Variants in EPHA3 observed in about 807,000 individuals in gnomAD.
The protein encoded by EPHA3 is EPH receptor A3, also known as ephrin type-A receptor 3.
A neutral mutation model predicts 107.1 loss-of-function variants in EPHA3; 42 were observed. The observed-to-expected ratio is 0.39, with a 90% confidence interval of 0.31 to 0.51. The LOEUF (loss-of-function observed/expected upper bound fraction) is 0.51. Among genes scored for constraint, EPHA3 ranks in the 20% least tolerant of loss-of-function variants. The pLI, the probability that EPHA3 is intolerant of heterozygous loss-of-function variation, is 0.78. For missense variants in EPHA3, 1,183 were observed against 1,211.2 expected, an observed-to-expected ratio of 0.98 and a Z score of 0.35; for synonymous variants, 461 against 424.8, an observed-to-expected ratio of 1.09 and a Z score of -1.05.
chr3:89,158,353 T>C (rs996151265), intron 2 of EPHA3, among the ~76,000 whole-genome samples: 1 of 152,106 alleles, frequency 6.6e-6, no homozygotes, highest in African/African-American at 2.4e-5. Context: ...TGGTTTTTCA[T>C]TAGGTGACAT....
intron 3 of EPHA3, among the ~76,000 whole-genome samples, chr3:89,255,265 C>A (rs1325605739): frequency 6.6e-6 from 1 of 152,112 alleles, no homozygotes; most frequent in African/African-American, 2.4e-5. Flanking sequence ...CAGCAATAGA[C>A]CTTTTTTTAA....
chr3:89,164,207 GAAT>G (rs1175518405), intron 2 of EPHA3, among the ~76,000 whole-genome samples: 1 of 152,168 alleles, frequency 6.6e-6, no homozygotes, highest in Non-Finnish European at 1.5e-5. Context: ...ATTAGAAGAA[GAAT>G]AATTGTCTTT....
intron 15 of EPHA3, among the ~76,000 whole-genome samples, chr3:89,460,344 G>A (rs1222051896): frequency 7.6e-6 from 1 of 131,304 alleles, no homozygotes; most frequent in Admixed American, 8.3e-5. Context: ...TAAATGGAAG[G>A]CAACACAATT....
intron 3 of EPHA3, among the ~76,000 whole-genome samples, chr3:89,309,670 C>G (rs1706718357): frequency 6.6e-6 from 1 of 152,110 alleles, no homozygotes; most frequent in South Asian, 2.1e-4. Flanking sequence ...TATTCTAATT[C>G]ATTTATTTGA....
At chr3:89,301,300 C>T (rs533727760) in intron 3 of EPHA3, among the ~76,000 whole-genome samples, 86 of 151,932 alleles carry the variant, frequency 5.7e-4, no homozygotes, top group Non-Finnish European at 3.8e-4. Flanking sequence ...TTTAAAGCTG[C>T]CACAATAATT....
chr3:89,113,485 CAAAAAAA>C (rs753848304), intron 1 of EPHA3, among the ~76,000 whole-genome samples: 957 of 31,048 alleles, frequency 0.031, 5 homozygotes, highest in African/African-American at 0.089. Context: ...TTCCTTTGTA[CAAAAAAA>C]AAAAAAAAAA....
chr3:89,193,627 G>T (rs947381771), intron 2 of EPHA3, among the ~76,000 whole-genome samples: 1 of 151,798 alleles, frequency 6.6e-6, no homozygotes, highest in Non-Finnish European at 1.5e-5. Flanking sequence ...TGAAATCATA[G>T]ATATACTCAT....
intron 5 of EPHA3, among the ~76,000 whole-genome samples, chr3:89,384,137 A>T (rs1206263298): frequency 1.3e-5 from 2 of 152,018 alleles, no homozygotes; most frequent in East Asian, 3.9e-4. Flanking sequence ...ATACTATCTA[A>T]TTTTTTTCTA....
intron 3 of EPHA3, among the ~76,000 whole-genome samples, chr3:89,242,552 C>T (rs1704926127): frequency 6.6e-6 from 1 of 152,144 alleles, no homozygotes; most frequent in African/African-American, 2.4e-5. Flanking sequence ...ATTCTCCTGC[C>T]TCAGCCTCCC....
At chr3:89,211,850 T>C (rs1386711346) in intron 3 of EPHA3, among the ~76,000 whole-genome samples, 1 of 150,342 alleles carries the variant, frequency 6.7e-6, no homozygotes, top group East Asian at 2.0e-4. Flanking sequence ...TTCTTTTGGC[T>C]AGGTAGGATA....
chr3:89,256,610 A>T (rs1040075128), intron 3 of EPHA3, among the ~76,000 whole-genome samples: 2 of 151,226 alleles, frequency 1.3e-5, no homozygotes, highest in Non-Finnish European at 2.9e-5. Flanking sequence ...TAAATAAATA[A>T]ATAAAATTCT....
chr3:89,297,870 A>G (rs12495537), intron 3 of EPHA3, among the ~76,000 whole-genome samples: 75,366 of 151,820 alleles, frequency 0.5, 19,657 homozygotes, highest in African/African-American at 0.66. Flanking sequence ...CCCCGTCTCT[A>G]CTAAAAATAC....
At chr3:89,389,532 T>G (rs1708684357) in intron 5 of EPHA3, among the ~76,000 whole-genome samples, 1 of 152,150 alleles carries the variant, frequency 6.6e-6, no homozygotes, top group Non-Finnish European at 1.5e-5. Context: ...TCATTAGAAA[T>G]TCCCAAATCT....
At chr3:89,267,602 A>G (rs1433144863) in intron 3 of EPHA3, among the ~76,000 whole-genome samples, 1 of 152,170 alleles carries the variant, frequency 6.6e-6, no homozygotes, top group East Asian at 1.9e-4. Context: ...GGAGGAAGCT[A>G]CATTAAAGGT....
chr3:89,426,101 T>A lies in EPHA3; in HGVS notation c.2075-3005T>A, dbSNP rs78221049. Among the ~76,000 whole-genome samples, 602 of 151,844 alleles carry A rather than the reference T, an allele frequency of 4.0e-3. 3 individuals are homozygous for A. The highest frequency in any genetic ancestry group is 5.7e-3 in the Non-Finnish European group (385 of 67,752). ...GTACTTTCATTGAGTTTAGTATGTATACCCAGATGTGTTTTGGGGTTTCTG... is the reference window on the plus strand; with the variant it reads ...GTACTTTCATTGAGTTTAGTATGTAAACCCAGATGTGTTTTGGGGTTTCTG... On this transcript the variant is annotated intron_variant, in intron 11 of 16. Coordinates refer to ENST00000336596, the MANE Select transcript of EPHA3 (RefSeq NM_005233.6).
intron 2 of EPHA3, among the ~76,000 whole-genome samples, chr3:89,174,719 A>T (rs1209418467): frequency 3.3e-5 from 5 of 152,016 alleles, no homozygotes; most frequent in Admixed American, 6.6e-5. Flanking sequence ...ATTAACCACC[A>T]AGTTAAATTA....
chr3:89,307,672 C>T (rs1706657304), intron 3 of EPHA3, among the ~76,000 whole-genome samples: 1 of 152,112 alleles, frequency 6.6e-6, no homozygotes, highest in Non-Finnish European at 1.5e-5. Flanking sequence ...CTACCTCCAC[C>T]TCCCAAGTAG....
intron 3 of EPHA3, among the ~76,000 whole-genome samples, chr3:89,314,281 A>G (rs1371429368): frequency 6.6e-6 from 1 of 151,944 alleles, no homozygotes; most frequent in South Asian, 2.1e-4. Flanking sequence ...TCTATTTTCT[A>G]AAGTTTCTGA....
At chr3:89,428,389 A>C (rs1201530661) in intron 11 of EPHA3, among the ~76,000 whole-genome samples, 1 of 152,086 alleles carries the variant, frequency 6.6e-6, no homozygotes, top group Non-Finnish European at 1.5e-5. Flanking sequence ...AATAAGTACT[A>C]TTTAAATACA....
Sources: gnomAD v4.1 joint callset for allele counts (sites outside exome capture counted in the v4.1 genomes callset) on GRCh38, gnomAD v4.1.1 for gene constraint, MANE v1.5 for transcripts, NCBI Gene and HGNC (gene_info 2026-07-23, HGNC 2026-07-21) for gene names.